The following KYNU variants were observed in gnomAD, a reference collection of about 807,000 sequenced individuals.
KYNU encodes L-kynurenine hydrolase.
In KYNU, 54 loss-of-function variants were observed where a neutral mutation model predicts 59.2. The ratio of observed to expected loss-of-function variants is 0.91; its 90% confidence interval spans 0.73 to 1.14. The LOEUF is 1.14. KYNU is among the 50% of genes most tolerant of loss of function. The pLI is 0.00. For missense variants in KYNU, 567 were observed against 554.4 expected (o/e 1.02, Z -0.23); for synonymous variants, 177 against 192.0 (o/e 0.92, Z 0.65).
intron 4 of KYNU, among the ~76,000 whole-genome samples, chr2:142,929,689 A>ATAG (rs1325783174): frequency 1.3e-5 from 2 of 152,190 alleles, no homozygotes; most frequent in East Asian, 3.8e-4. Flanking sequence ...TTTATAGGTC[A>ATAG]TAGGATTATA....
rs150547319 is a variant in KYNU, at chr2:143,048,634, C to T, written c.*6462C>T. The T allele has an allele frequency of 6.6e-6, 1 of 152,246 alleles. No individual in the cohort carries two copies. Among genetic ancestry groups the T allele is most frequent in the East Asian group, 1.9e-4 (1 of 5,194 alleles). 9.4% of individuals were successfully genotyped at this position (152,246 alleles called of 1,614,324 possible). ...CTTTGGGAAAAAACATTTATTGATA[C>T]CATTTTCTCATTACTTAAAAATAGT... On this transcript the variant is annotated 3_prime_UTR_variant, in exon 14 of 14. Coordinates refer to ENST00000264170, the MANE Select transcript of KYNU (RefSeq NM_003937.3).
chr2:142,999,503 C>A (rs1685648881), intron 10 of KYNU, among the ~76,000 whole-genome samples: 1 of 151,996 alleles, frequency 6.6e-6, no homozygotes, highest in Non-Finnish European at 1.5e-5. Flanking sequence ...TTTTATAAGA[C>A]CTTAGCTGAG....
chr2:142,987,667 C>A (rs1460113793), intron 10 of KYNU, among the ~76,000 whole-genome samples: 1 of 151,772 alleles, frequency 6.6e-6, no homozygotes, highest in African/African-American at 2.4e-5. Context: ...AGCCCCTACT[C>A]ATAAGCAGTT....
chr2:143,034,913 G>C (rs1686851622), intron 12 of KYNU, among the ~76,000 whole-genome samples: 1 of 152,104 alleles, frequency 6.6e-6, no homozygotes, highest in Admixed American at 6.5e-5. Context: ...TAACTTCTCA[G>C]ACGTACCTGG....
intron 7 of KYNU, chr2:142,958,021 T>C: frequency 3.4e-6 from 1 of 297,192 alleles, no homozygotes; most frequent in Non-Finnish European, 6.4e-6. Context: ...TATATCATTT[T>C]CAATTCCAAA....
At chr2:142,905,845 GACA>G (rs1343463677) in intron 2 of KYNU, among the ~76,000 whole-genome samples, 1 of 152,198 alleles carries the variant, frequency 6.6e-6, no homozygotes, top group Non-Finnish European at 1.5e-5. Context: ...TGTTTACACT[GACA>G]ACAAGGTAGT....
At chr2:142,963,243 A>G (rs1048954910) in intron 8 of KYNU, among the ~76,000 whole-genome samples, 5 of 152,194 alleles carry the variant, frequency 3.3e-5, no homozygotes, top group East Asian at 1.9e-4. Flanking sequence ...CCATCACCCC[A>G]TCAAGAAAAA....
chr2:142,890,903 C>T (rs1013546479), intron 2 of KYNU, among the ~76,000 whole-genome samples: 1 of 152,106 alleles, frequency 6.6e-6, no homozygotes, highest in Non-Finnish European at 1.5e-5. Context: ...CATTGCTTTC[C>T]TTTTTGTCTT....
intron 8 of KYNU, among the ~76,000 whole-genome samples, chr2:142,983,787 A>G (rs773250169): frequency 8.5e-5 from 13 of 152,096 alleles, no homozygotes; most frequent in Admixed American, 1.3e-4. Flanking sequence ...ATATTAACAT[A>G]AGCAAAATAT....
intron 8 of KYNU, among the ~76,000 whole-genome samples, chr2:142,982,810 A>T (rs1392326835): frequency 2.0e-5 from 3 of 152,048 alleles, no homozygotes; most frequent in Non-Finnish European, 4.4e-5. Flanking sequence ...CTTACCAAAT[A>T]GTATTAAGCA....
At chr2:143,030,784 A>G (rs1219803795) in intron 11 of KYNU, among the ~76,000 whole-genome samples, 1 of 86,848 alleles carries the variant, frequency 1.2e-5, no homozygotes, top group African/African-American at 3.2e-5. Flanking sequence ...GCCCATCATA[A>G]GCTGAAAATA....
chr2:142,950,605 C>T (rs748491323), intron 4 of KYNU, among the ~76,000 whole-genome samples: 31 of 152,262 alleles, frequency 2.0e-4, no homozygotes, highest in African/African-American at 4.8e-4. Flanking sequence ...CCCATGATTA[C>T]GTCCCGCCAG....
intron 1 of KYNU, among the ~76,000 whole-genome samples, chr2:142,883,054 T>G (rs1681355729): frequency 6.6e-6 from 1 of 152,210 alleles, no homozygotes; most frequent in South Asian, 2.1e-4. Flanking sequence ...TCACTGTTTT[T>G]AAAACTCATT....
chr2:142,901,100 G>C (rs1378474381), intron 2 of KYNU, among the ~76,000 whole-genome samples: 1 of 151,636 alleles, frequency 6.6e-6, no homozygotes, highest in African/African-American at 2.4e-5. Context: ...ATGGCCTGCA[G>C]TGCAGGGGGT....
intron 2 of KYNU, among the ~76,000 whole-genome samples, chr2:142,888,807 C>G (rs1329418295): frequency 6.6e-6 from 1 of 150,492 alleles, no homozygotes; most frequent in Non-Finnish European, 1.5e-5. Context: ...CGAGACACTT[C>G]TGTCAGAACG....
intron 1 of KYNU, 47 bp from the exon 2 acceptor site, chr2:142,885,302 A>G (rs1005766345): frequency 6.6e-7 from 1 of 1,509,676 alleles, no homozygotes; most frequent in Non-Finnish European, 9.2e-7. Context: ...CTCATTTTCT[A>G]CAGGAAAATT....
intron 2 of KYNU, among the ~76,000 whole-genome samples, chr2:142,912,458 C>T (rs1042885963): frequency 4.8e-5 from 7 of 146,412 alleles, no homozygotes; most frequent in African/African-American, 1.8e-4. Context: ...CGGCTCACCA[C>T]AACCTCTGCA....
intron 12 of KYNU, among the ~76,000 whole-genome samples, chr2:143,033,649 C>T (rs1197714590): frequency 6.6e-6 from 1 of 152,208 alleles, no homozygotes; most frequent in African/African-American, 2.4e-5. Flanking sequence ...CTTGGCCTCT[C>T]TTTATACCAA....
At chr2:142,958,446 A>C (rs1684238569) in intron 7 of KYNU, among the ~76,000 whole-genome samples, 1 of 152,228 alleles carries the variant, frequency 6.6e-6, no homozygotes, top group Non-Finnish European at 1.5e-5. Flanking sequence ...CGAATCATAC[A>C]GAATAAATTT....
Sources: allele counts gnomAD v4.1 joint callset (sites outside exome capture counted in the v4.1 genomes callset), GRCh38; gene constraint gnomAD v4.1.1; transcripts MANE v1.5; gene names NCBI Gene and HGNC (gene_info 2026-07-23, HGNC 2026-07-21).